The following FAT2 variants were observed in gnomAD, a reference collection of about 807,000 sequenced individuals.
The protein encoded by FAT2 is FAT atypical cadherin 2, also known as protocadherin Fat 2.
FAT2 carries 150 observed loss-of-function variants against 295.3 expected under a neutral mutation model. The ratio of observed to expected loss-of-function variants is 0.51; its 90% confidence interval spans 0.44 to 0.58. FAT2 has a LOEUF of 0.58. FAT2 is among the 20% of genes least tolerant of loss of function. The pLI is 0.00. For missense variants in FAT2, 4,868 were observed against 5,442.7 expected (o/e 0.89, Z 3.32); for synonymous variants, 2,026 against 2,150.3 (o/e 0.94, Z 1.60).
chr5:151,573,877 A>G (rs1758635375), intron 1 of FAT2, among the ~76,000 whole-genome samples: 1 of 152,162 alleles, frequency 6.6e-6, no homozygotes, highest in Non-Finnish European at 1.5e-5. Flanking sequence ...ACTCATTGAT[A>G]AAAGTTTGAA....
chr5:151,528,340 C>G lies in FAT2; in HGVS notation c.10027-207G>C, dbSNP rs550831854. 1.1e-4 allele frequency among the ~76,000 whole-genome samples: 17 copies of G among 152,316 alleles called. 2 individuals are homozygous for G. The South Asian group carries it at 3.5e-3, about 32-fold the overall frequency. ...GGTTTATTCATTCACTCACCATTCACTCTTGCTAACAGCATGCTAGGCCCT... is the reference window on the plus strand; with the variant it reads ...GGTTTATTCATTCACTCACCATTCAGTCTTGCTAACAGCATGCTAGGCCCT... On this transcript the variant is annotated intron_variant, in intron 15 of 23. Transcript: ENST00000261800.
At chr5:151,593,708 T>C (rs1004258353), upstream of FAT2, among the ~76,000 whole-genome samples, 6 of 151,930 alleles carry the variant, frequency 3.9e-5, no homozygotes, top group Non-Finnish European at 7.4e-5. Context: ...CAAGAAGTAA[T>C]AATAATAATA....
In FAT2 at chr5:151,544,024, T is replaced by C. The variant is rs138801083; in HGVS notation, c.7103A>G (p.Asn2368Ser). Residue 2368 changes from asparagine to serine, a missense_variant, in exon 10 of 24, where the codon AAT becomes AGT. Around this residue, in one of 5 missense-constraint regions of FAT2, gnomAD observed 3,297 missense variants for 3,669.4 expected, o/e 0.90. Transcript: ENST00000261800. The part of the protein sequence containing the change: ...PLTGETLVVV[N>S]VSDINDNPPE... ...GGGGTTGTCATTGATATCAGACACA[T>C]TGACAACCACAAGGGTTTCACCAGT... The C allele has an allele frequency of 6.2e-6, 10 of 1,614,180 alleles. No individual in the cohort carries two copies. The highest frequency in any genetic ancestry group is 2.7e-5 in the African/African-American group (2 of 75,042).
At chr5:151,539,582 T>C (rs187625102) in intron 11 of FAT2, among the ~76,000 whole-genome samples, 56 of 152,336 alleles carry the variant, frequency 3.7e-4, no homozygotes, top group African/African-American at 1.3e-3. Context: ...CTGTGCATTT[T>C]TATATATATA....
Position 151,553,317 on chromosome 5 carries a change from C to T in FAT2, c.4016G>A (p.Trp1339Ter). 5 of 1,614,238 alleles carry T rather than the reference C, an allele frequency of 3.1e-6. No individual in the cohort carries two copies. Among genetic ancestry groups the T allele is most frequent in the Non-Finnish European group, 4.2e-6 (5 of 1,180,046 alleles). ...SVRLHIEWIPWPRPSSIPLAF... is the reference protein window; with the variant it reads ...SVRLHIEWIP ...CAGAGGGATGGAGGACGGCCGGGGCCAAGGGATCCACTCAATGTGTAGCCG... is the reference window on the plus strand; with the variant it reads ...CAGAGGGATGGAGGACGGCCGGGGCTAAGGGATCCACTCAATGTGTAGCCG... The change falls in exon 6 of 24, where the codon TGG (tryptophan) becomes TAG (stop). Residue 1339 changes from tryptophan to a stop codon, truncating the protein, a stop_gained. Transcript: ENST00000261800. LOFTEE classifies it high-confidence loss of function.
At chr5:151,546,482 T>A (rs1756646689) in intron 9 of FAT2, 145 bp from the exon 10 acceptor site, 5 of 599,568 alleles carry the variant, frequency 8.3e-6, no homozygotes, top group Non-Finnish European at 1.5e-5. Context: ...ATATAGTGTA[T>A]AGAGTAGATA....
chr5:151,544,489 A>C lies in FAT2; in HGVS notation c.6638T>G (p.Leu2213Trp). The C allele has an allele frequency of 6.2e-7, 1 of 1,614,086 alleles. No homozygotes were observed. Among genetic ancestry groups the C allele is most frequent in the Non-Finnish European group, 8.5e-7 (1 of 1,180,026 alleles). Residue 2213 changes from leucine (L) to tryptophan (W), a missense_variant, in exon 10 of 24, where the codon TTG becomes TGG. Around this residue, in one of 5 missense-constraint regions of FAT2, gnomAD observed 3,297 missense variants for 3,669.4 expected, o/e 0.90. Transcript: ENST00000261800. Reference protein sequence around the residue: ...LIYNIVEEEPLMLFTTDFKTG... With the variant: ...LIYNIVEEEPWMLFTTDFKTG... Reference sequence around the variant, plus strand: ...CTTGAAGTCAGTGGTGAACAGCATCAAGGGTTCTTCCTCCACAATGTTGTA... The same window carrying C: ...CTTGAAGTCAGTGGTGAACAGCATCCAGGGTTCTTCCTCCACAATGTTGTA...
intron 2 of FAT2, 26 bp downstream of exon 2, chr5:151,565,647 A>ACC: frequency 4.8e-6 from 7 of 1,461,026 alleles, no homozygotes; most frequent in Non-Finnish European, 5.6e-6. Flanking sequence ...TGGCCCTGGC[A>ACC]CCCCACCCTA....
chr5:151,519,905 G>A (rs911948038), intron 19 of FAT2, among the ~76,000 whole-genome samples: 13 of 152,180 alleles, frequency 8.5e-5, no homozygotes, highest in African/African-American at 3.1e-4. Flanking sequence ...AACCTCTGGA[G>A]GTGACACCCA....
At chr5:151,594,181 C>T (rs528173249), upstream of FAT2, among the ~76,000 whole-genome samples, 11 of 152,182 alleles carry the variant, frequency 7.2e-5, no homozygotes, top group African/African-American at 2.7e-4. Context: ...GGTCTAGACT[C>T]AGCTAAGATC....
intron 9 of FAT2, among the ~76,000 whole-genome samples, chr5:151,547,123 T>C (rs1756717352): frequency 6.6e-6 from 1 of 152,218 alleles, no homozygotes. Flanking sequence ...ATTATGTTGC[T>C]TCTTTAAATA....
Position 151,544,427 on chromosome 5 carries a change from C to T in FAT2, c.6700G>A (p.Glu2234Lys), listed in dbSNP as rs770332209. 2 of 1,614,096 alleles carry T rather than the reference C, an allele frequency of 1.2e-6. No homozygotes were observed. Among genetic ancestry groups the T allele is most frequent in the East Asian group, 2.2e-5 (1 of 44,886 alleles). ...VLTVTGPLDY[E>K]SKTKHVFTVR... ...GTGAACACATGTTTGGTCTTGGACT[C>T]ATAGTCCAAAGGCCCTGTTACTGTT... Residue 2234 changes from glutamate (E) to lysine (K), a missense_variant, in exon 10 of 24, where the codon GAG (glutamate) becomes AAG (lysine). Glu to Lys is a moderately conservative substitution (Grantham distance 56). Around this residue, in one of 5 missense-constraint regions of FAT2, gnomAD observed 3,297 missense variants for 3,669.4 expected, o/e 0.90. Transcript: ENST00000261800.
At chr5:151,587,249 T>C (rs1317914988) in intron 1 of FAT2, among the ~76,000 whole-genome samples, 1 of 152,202 alleles carries the variant, frequency 6.6e-6, no homozygotes, top group Non-Finnish European at 1.5e-5. Context: ...CTTCTGTGTA[T>C]GTCTATAATT....
upstream of FAT2, among the ~76,000 whole-genome samples, chr5:151,591,654 C>G (rs1581486095): frequency 6.6e-6 from 1 of 152,164 alleles, no homozygotes; most frequent in Non-Finnish European, 1.5e-5. Context: ...TCTCTCCACT[C>G]CTCCATGCTT....
chr5:151,563,830 C>T (rs1561872058), intron 2 of FAT2, among the ~76,000 whole-genome samples, 191 bp from the exon 3 acceptor site: 1 of 152,188 alleles, frequency 6.6e-6, no homozygotes, highest in Non-Finnish European at 1.5e-5. Flanking sequence ...GAATTAATAT[C>T]CTTATTCTAG....
At chr5:151,519,938 C>A (rs966602661) in intron 19 of FAT2, among the ~76,000 whole-genome samples, 4 of 152,162 alleles carry the variant, frequency 2.6e-5, no homozygotes, top group Non-Finnish European at 4.4e-5. Flanking sequence ...TTTAAAATCA[C>A]GCTCTCCAGT....
intron 3 of FAT2, among the ~76,000 whole-genome samples, chr5:151,560,247 T>C (rs1323669429): frequency 6.6e-6 from 1 of 152,226 alleles, no homozygotes; most frequent in African/African-American, 2.4e-5. Context: ...GCTAAGCTCT[T>C]TCTATAGCTT....
rs557505076 is a variant in FAT2 at position 151,534,558 on chromosome 5, C to G, written c.9278G>C (p.Arg3093Pro). The change falls in exon 13 of 24, where the codon CGA (arginine) becomes CCA (proline). Residue 3093 changes from arginine (R) to proline (P), a missense_variant. By Grantham distance (103) the Arg-to-Pro change is moderately radical (BLOSUM62 -2). Coordinates refer to ENST00000261800, the MANE Select transcript of FAT2 (RefSeq NM_001447.3). ...GAGGGTGATGTCTGCCTGGCACGATCGGCCACCTCCATCCGTCGCCTTGGC... is the reference window on the plus strand; with the variant it reads ...GAGGGTGATGTCTGCCTGGCACGATGGGCCACCTCCATCCGTCGCCTTGGC... ...LVAKATDGGG[R>P]SCQADITLHV... is the part of the protein sequence containing the mutation. 2 of 1,614,102 alleles carry G rather than the reference C, an allele frequency of 1.2e-6. No homozygotes were observed. The highest frequency in any genetic ancestry group is 1.1e-5 in the South Asian group (1 of 91,052).
intron 10 of FAT2, among the ~76,000 whole-genome samples, chr5:151,541,229 T>C (rs1369365509): frequency 6.6e-6 from 1 of 152,236 alleles, no homozygotes; most frequent in Admixed American, 6.5e-5. Context: ...TTGTAAGTCA[T>C]CTTTCTTTCC....
Sources: allele counts gnomAD v4.1 joint callset (sites outside exome capture counted in the v4.1 genomes callset), GRCh38; gene constraint gnomAD v4.1.1; regional missense constraint gnomAD v4.1.1; transcripts MANE v1.5; gene names NCBI Gene and HGNC (gene_info 2026-07-23, HGNC 2026-07-21).